The following TSHZ2 variants were observed in gnomAD, a reference collection of about 807,000 sequenced individuals.
TSHZ2 encodes the protein teashirt homolog 2.
Under a neutral mutation model 74.4 loss-of-function variants are expected in TSHZ2, and 21 were observed. That is an observed-to-expected ratio of 0.28 (90% CI 0.20 to 0.41). TSHZ2 has a LOEUF of 0.41. Among genes scored for constraint, TSHZ2 ranks in the 10% least tolerant of loss-of-function variants. TSHZ2 has a pLI of 1.00. For synonymous variants in TSHZ2, 540 were observed against 515.3 expected (o/e 1.05, Z -0.65); for missense variants, 1,244 against 1,293.5 (o/e 0.96, Z 0.59).
intron 1 of TSHZ2, among the ~76,000 whole-genome samples, chr20:53,035,827 A>G (rs1175271028): frequency 6.6e-6 from 1 of 152,166 alleles, no homozygotes; most frequent in African/African-American, 2.4e-5. Context: ...ACACATTAGG[A>G]TCACTTTTAT....
intron 1 of TSHZ2, among the ~76,000 whole-genome samples, chr20:52,988,561 C>A (rs1981859520): frequency 6.6e-6 from 1 of 151,432 alleles, no homozygotes; most frequent in Non-Finnish European, 1.5e-5. Context: ...TTAGTGTTTC[C>A]CCAGGTTGAA....
At chr20:53,039,538 TCTCTA>T (rs1320863358) in intron 1 of TSHZ2, among the ~76,000 whole-genome samples, 1 of 152,048 alleles carries the variant, frequency 6.6e-6, no homozygotes, top group Non-Finnish European at 1.5e-5. Context: ...CAAATAAAAA[TCTCTA>T]CTCTAGGAGG....
chr20:53,109,530 G>A (rs553047524), intron 1 of TSHZ2, among the ~76,000 whole-genome samples: 6 of 152,300 alleles, frequency 3.9e-5, no homozygotes, highest in East Asian at 1.9e-4. Flanking sequence ...ACCTGAAGAC[G>A]TAGTTGCATG....
At chr20:53,328,570 T>C (rs901614418) in intron 2 of TSHZ2, among the ~76,000 whole-genome samples, 1 of 152,228 alleles carries the variant, frequency 6.6e-6, no homozygotes, top group Non-Finnish European at 1.5e-5. Flanking sequence ...GATAATTGAT[T>C]ATTCAACATA....
intron 2 of TSHZ2, among the ~76,000 whole-genome samples, chr20:53,266,272 C>A (rs1990715026): frequency 6.6e-6 from 1 of 152,108 alleles, no homozygotes; most frequent in Non-Finnish European, 1.5e-5. Flanking sequence ...GAAGGAGGGA[C>A]ACAGCATGAA....
chr20:53,013,056 A>G (rs1045380644), intron 1 of TSHZ2, among the ~76,000 whole-genome samples: 3 of 152,190 alleles, frequency 2.0e-5, no homozygotes, highest in Non-Finnish European at 4.4e-5. Context: ...TAAAAAATTC[A>G]CTATATTTTC....
intron 2 of TSHZ2, among the ~76,000 whole-genome samples, chr20:53,420,467 C>T (rs1323547669): frequency 1.1e-4 from 16 of 152,286 alleles, no homozygotes; most frequent in Middle Eastern, 3.4e-3. Context: ...CGGTGGCTCA[C>T]GCCTGTAATC....
At chr20:53,465,541 G>A (rs1311914524) in intron 2 of TSHZ2, among the ~76,000 whole-genome samples, 2 of 152,118 alleles carry the variant, frequency 1.3e-5, no homozygotes, top group Non-Finnish European at 1.5e-5. Flanking sequence ...AAATTGCTAG[G>A]ATTGTAGGCA....
intron 1 of TSHZ2, among the ~76,000 whole-genome samples, chr20:53,094,471 T>TA (rs1396284125): frequency 6.6e-6 from 1 of 152,192 alleles, no homozygotes; most frequent in African/African-American, 2.4e-5. Context: ...GAAAGTCCAA[T>TA]ATGTGGGTCC....
At position 53,187,069 on chromosome 20, in the gene TSHZ2, C is replaced by T. The variant is rs143713719; in HGVS notation, c.41-66430C>T. ...TAAGCTGTGGAGGGAGCAACCTAAT[C>T]AATTTCCTTGGCCTGGGCCTTTTAG... is the stretch of plus-strand genomic sequence containing the variant. On this transcript the variant is annotated intron_variant, in intron 1 of 2. Coordinates refer to ENST00000371497, the MANE Select transcript of TSHZ2 (RefSeq NM_173485.6). 1.1e-4 allele frequency among the ~76,000 whole-genome samples: 16 copies of T among 152,226 alleles called. No individual in the cohort carries two copies. The East Asian group carries it at 2.9e-3, about 28-fold the overall frequency.
intron 1 of TSHZ2, among the ~76,000 whole-genome samples, chr20:53,179,832 G>A (rs1034896609): frequency 4.6e-5 from 7 of 152,072 alleles, no homozygotes; most frequent in African/African-American, 7.2e-5. Context: ...CTTTTTTATC[G>A]TCAAGGTAAC....
chr20:53,153,011 G>C (rs1987709470), intron 1 of TSHZ2, among the ~76,000 whole-genome samples: 1 of 152,200 alleles, frequency 6.6e-6, no homozygotes, highest in African/African-American at 2.4e-5. Context: ...GAGGTTGATA[G>C]GGATATTCCA....
chr20:53,008,513 A>G (rs1982727681), intron 1 of TSHZ2, among the ~76,000 whole-genome samples: 1 of 151,786 alleles, frequency 6.6e-6, no homozygotes, highest in East Asian at 1.9e-4. Flanking sequence ...GGGGGATTGG[A>G]TATTTTCAGC....
At chr20:53,313,904 T>C (rs1298231920) in intron 2 of TSHZ2, among the ~76,000 whole-genome samples, 1 of 152,226 alleles carries the variant, frequency 6.6e-6, no homozygotes, top group Non-Finnish European at 1.5e-5. Flanking sequence ...CACTTCAACA[T>C]CCCTGTTAGA....
rs11470731 is a variant in TSHZ2 at position 53,226,119 on chromosome 20, AACACACACACACACACACACACACACAC to A, written c.41-27366_41-27339del. On this transcript the variant is annotated intron_variant, in intron 1 of 2. Coordinates refer to ENST00000371497, the MANE Select transcript of TSHZ2 (RefSeq NM_173485.6). ...AGAAGATGGCTCACAGACTAAATTT[AACACACACACACACACACACACACACAC>A]ACACACACACACATGCACACAAACA... Among the ~76,000 whole-genome samples the A allele has an allele frequency of 7.5e-5, 11 of 147,644 alleles. No homozygotes were observed. The South Asian group carries it at 1.1e-3, about 15-fold the overall frequency.
chr20:53,016,601 G>A (rs959459224), intron 1 of TSHZ2, among the ~76,000 whole-genome samples: 5 of 152,082 alleles, frequency 3.3e-5, no homozygotes, highest in Non-Finnish European at 5.9e-5. Context: ...CCTTTTTACG[G>A]TTTCCAGAAT....
At chr20:53,327,770 G>A (rs1979555683) in intron 2 of TSHZ2, among the ~76,000 whole-genome samples, 1 of 152,162 alleles carries the variant, frequency 6.6e-6, no homozygotes, top group African/African-American at 2.4e-5. Context: ...ACCACTTCAG[G>A]GTACGATAAG....
intron 2 of TSHZ2, among the ~76,000 whole-genome samples, chr20:53,423,339 A>G (rs1333237502): frequency 1.3e-5 from 2 of 152,162 alleles, no homozygotes; most frequent in African/African-American, 4.8e-5. Flanking sequence ...AGCTGAGATC[A>G]TGCCACTGCA....
intron 2 of TSHZ2, among the ~76,000 whole-genome samples, chr20:53,354,617 T>G (rs1980775941): frequency 6.6e-6 from 1 of 152,184 alleles, no homozygotes. Context: ...TATATATGTC[T>G]TGCCTGATTT....
Sources: gnomAD v4.1 joint callset for allele counts (sites outside exome capture counted in the v4.1 genomes callset) on GRCh38, gnomAD v4.1.1 for gene constraint, MANE v1.5 for transcripts, NCBI Gene and HGNC (gene_info 2026-07-23, HGNC 2026-07-21) for gene names.